The following TRAPPC8 variants were observed in gnomAD, a reference collection of about 807,000 sequenced individuals.
TRAPPC8 encodes the protein trafficking protein particle complex subunit 8.
Under a neutral mutation model 174.3 loss-of-function variants are expected in TRAPPC8, and 54 were observed. The ratio of observed to expected loss-of-function variants is 0.31; its 90% CI spans 0.25 to 0.39. The LOEUF (loss-of-function observed/expected upper bound fraction) is 0.39. Among genes scored for constraint, TRAPPC8 ranks in the 10% least tolerant of loss-of-function variants. The pLI, the probability that TRAPPC8 is intolerant of heterozygous loss-of-function variation, is 1.00. For synonymous variants in TRAPPC8, 630 were observed against 579.9 expected (o/e 1.09, Z -1.24); for missense variants, 1,531 against 1,699.1 (o/e 0.90, Z 1.74).
rs767260585 is a variant in TRAPPC8 at position 31,931,433 on chromosome 18, C to G, written c.248G>C (p.Gly83Ala). ...ATCATTCAAAAGCTTCCGGATGGCT[C>G]CAGGCTGAGGTGGCTGGGTGACAAT... ...SNIVTQPPQP[G>A]AIRKLLNDVV... Residue 83 changes from glycine (G) to alanine (A), a missense_variant, in exon 2 of 29, where the codon GGA becomes GCA. Gly to Ala is a moderately conservative substitution (Grantham distance 60, BLOSUM62 0). Coordinates refer to ENST00000283351, the MANE Select transcript of TRAPPC8 (RefSeq NM_014939.5). The G allele has an allele frequency of 6.9e-5, 111 of 1,613,438 alleles. No homozygotes were observed. The highest frequency in any genetic ancestry group is 9.0e-5 in the Non-Finnish European group (106 of 1,179,774).
intron 1 of TRAPPC8, among the ~76,000 whole-genome samples, chr18:31,935,170 C>A (rs1369756981): frequency 6.6e-6 from 1 of 151,254 alleles, no homozygotes; most frequent in African/African-American, 2.4e-5. Flanking sequence ...CATAGAGAAA[C>A]CCCGTCTCTA....
intron 19 of TRAPPC8, among the ~76,000 whole-genome samples, chr18:31,863,446 G>C (rs1446382316): frequency 6.6e-6 from 1 of 152,010 alleles, no homozygotes; most frequent in Non-Finnish European, 1.5e-5. Context: ...TGAAAAACTA[G>C]AAGTAAACCC....
intron 11 of TRAPPC8, 148 bp from the exon 12 acceptor site, chr18:31,891,014 C>A: frequency 1.8e-6 from 1 of 568,016 alleles, no homozygotes; most frequent in Non-Finnish European, 2.6e-6. Flanking sequence ...AGGGGAAAAC[C>A]AATCTTGATT....
chr18:31,832,401 G>T (rs759318912), intron 27 of TRAPPC8: 54 of 186,804 alleles, frequency 2.9e-4, no homozygotes, highest in Non-Finnish European at 5.4e-4. Context: ...TACATTCACA[G>T]AACTATTTTA....
At chr18:31,925,869 T>A (rs532714245) in intron 2 of TRAPPC8, among the ~76,000 whole-genome samples, 2 of 152,302 alleles carry the variant, frequency 1.3e-5, no homozygotes, top group South Asian at 4.1e-4. Context: ...AGTCAAACCA[T>A]CAATCAAGTA....
rs150205200 is a variant in TRAPPC8, at chr18:31,884,474, T to G, written c.1728+6261A>C. 1.4e-4 allele frequency among the ~76,000 whole-genome samples: 21 copies of G among 152,316 alleles called. No homozygotes were observed. In the South Asian group the frequency reaches 3.7e-3, roughly 27 times the overall value. On this transcript the variant is annotated intron_variant, in intron 12 of 28. Transcript: ENST00000283351. ...CTGGTTTGTTCTGTAGTGATAGAGT[T>G]TGGTATTCTTTTCTTCTGGCTATTG... is the stretch of plus-strand genomic sequence containing the variant.
chr18:31,858,738 G>A (rs1272413711), intron 19 of TRAPPC8, among the ~76,000 whole-genome samples: 1 of 152,212 alleles, frequency 6.6e-6, no homozygotes, highest in Non-Finnish European at 1.5e-5. Flanking sequence ...TGTGCTTAAA[G>A]AGACAGAAAT....
intron 26 of TRAPPC8, among the ~76,000 whole-genome samples, chr18:31,842,704 C>T (rs1281733970): frequency 1.3e-5 from 2 of 152,162 alleles, no homozygotes; most frequent in Non-Finnish European, 2.9e-5. Context: ...AGAAATGCTG[C>T]AAAATCCAAA....
In TRAPPC8 at chr18:31,916,255, C is replaced by G; in HGVS notation, c.617+17G>C. On this transcript the variant is annotated intron_variant, in intron 4 of 28. Coordinates refer to ENST00000283351, the MANE Select transcript of TRAPPC8 (RefSeq NM_014939.5). ...TCATTTAACTGGAAAAAATTTAAAA[C>G]TAAAATAAAAACTTACCTCTGTTCA... The G allele has an allele frequency of 6.9e-7, 1 of 1,439,214 alleles. No individual in the cohort carries two copies. The highest frequency in any genetic ancestry group is 9.2e-7 in the Non-Finnish European group (1 of 1,091,786). 89.2% of individuals were successfully genotyped at this position (1,439,214 alleles called of 1,614,324 possible).
intron 19 of TRAPPC8, 124 bp from the exon 20 acceptor site, chr18:31,858,106 G>A: frequency 1.3e-6 from 1 of 770,376 alleles, no homozygotes. Context: ...TTAATTCTTT[G>A]GTATCTCCCT....
At chr18:31,888,562 A>G (rs1207435702) in intron 12 of TRAPPC8, among the ~76,000 whole-genome samples, 2 of 152,230 alleles carry the variant, frequency 1.3e-5, no homozygotes, top group African/African-American at 2.4e-5. Flanking sequence ...GTACATACAT[A>G]CACACAATGG....
intron 26 of TRAPPC8, among the ~76,000 whole-genome samples, chr18:31,842,029 C>T (rs186436589): frequency 1.3e-5 from 2 of 152,304 alleles, no homozygotes; most frequent in African/African-American, 2.4e-5. Flanking sequence ...TACCACCACA[C>T]TCAGCTTCTT....
At chr18:31,909,154 C>T in intron 6 of TRAPPC8, 144 bp from the exon 7 acceptor site, 1 of 703,998 alleles carries the variant, frequency 1.4e-6, no homozygotes, top group Non-Finnish European at 2.1e-6. Context: ...GATAAAACAG[C>T]AGTAACATCC....
chr18:31,918,699 A>C (rs1444575338), intron 2 of TRAPPC8, among the ~76,000 whole-genome samples: 1 of 152,252 alleles, frequency 6.6e-6, no homozygotes. Flanking sequence ...ATTTCGAAGT[A>C]CATTTACCTT....
chr18:31,888,314 A>C (rs1400761101), intron 12 of TRAPPC8, among the ~76,000 whole-genome samples: 2 of 152,102 alleles, frequency 1.3e-5, no homozygotes, highest in African/African-American at 4.8e-5. Context: ...AAGGTGGACC[A>C]CCTGAGGTTG....
chr18:31,928,174 A>AAATT (rs1568147743), intron 2 of TRAPPC8, among the ~76,000 whole-genome samples: 12 of 149,580 alleles, frequency 8.0e-5, no homozygotes, highest in African/African-American at 3.0e-4. Flanking sequence ...AAAATAAAAT[A>AAATT]AAATAAAATA....
At chr18:31,890,520 C>A (rs1456601042) in intron 12 of TRAPPC8, among the ~76,000 whole-genome samples, 1 of 152,008 alleles carries the variant, frequency 6.6e-6, no homozygotes, top group Non-Finnish European at 1.5e-5. Context: ...AATAAAAAAA[C>A]CCCGAGGCTC....
chr18:31,885,847 C>T (rs560539182), intron 12 of TRAPPC8, among the ~76,000 whole-genome samples: 1 of 150,854 alleles, frequency 6.6e-6, no homozygotes, highest in Non-Finnish European at 1.5e-5. Flanking sequence ...GCAACAAGAG[C>T]AAAACTCCAT....
At position 31,874,650 on chromosome 18, in the gene TRAPPC8, C is replaced by A. The variant is rs2035052499; in HGVS notation, c.1783G>T (p.Gly595Cys). The A allele has an allele frequency of 4.3e-6, 7 of 1,614,066 alleles. No individual in the cohort carries two copies. Among genetic ancestry groups the A allele is most frequent in the Non-Finnish European group, 5.9e-6 (7 of 1,179,978 alleles). ...CQAMQVYKGK[G>C]WSLAEDHINF... ...ATGTGATCCTCTGCAAGAGACCAGCCTTTTCCTTTGTAAACTTGCATGGCT... is the reference window on the plus strand; with the variant it reads ...ATGTGATCCTCTGCAAGAGACCAGCATTTTCCTTTGTAAACTTGCATGGCT... The change falls in exon 13 of 29, where the codon GGC becomes TGC. Residue 595 changes from glycine to cysteine, a missense_variant. Coordinates refer to ENST00000283351, the MANE Select transcript of TRAPPC8 (RefSeq NM_014939.5).
Sources: gnomAD v4.1 joint callset for allele counts (sites outside exome capture counted in the v4.1 genomes callset) on GRCh38, gnomAD v4.1.1 for gene constraint, MANE v1.5 for transcripts, NCBI Gene and HGNC (gene_info 2026-07-23, HGNC 2026-07-21) for gene names.